Variants in GALNTL6 observed in about 807,000 individuals in gnomAD.
The protein encoded by GALNTL6 is polypeptide N-acetylgalactosaminyltransferase-like 6.
In GALNTL6, 46 loss-of-function variants were observed where a neutral mutation model predicts 73.7. The ratio of observed to expected loss-of-function variants is 0.62; its 90% CI spans 0.49 to 0.80. The LOEUF is 0.80. Ranked by LOEUF, GALNTL6 falls within the 30% of genes least tolerant of loss-of-function variation. GALNTL6 has a pLI of 0.00. For missense variants in GALNTL6, 604 were observed against 755.0 expected, an observed-to-expected ratio of 0.80 and a Z score of 2.34; for synonymous variants, 259 against 263.7, an observed-to-expected ratio of 0.98 and a Z score of 0.17.
At chr4:172,760,772 AC>A (rs1387967251) in intron 5 of GALNTL6, among the ~76,000 whole-genome samples, 2 of 151,588 alleles carry the variant, frequency 1.3e-5, no homozygotes, top group Non-Finnish European at 2.9e-5. Context: ...CCCACCGACT[AC>A]CCCCCACAAT....
chr4:172,326,183 G>C (rs751948989), intron 4 of GALNTL6, among the ~76,000 whole-genome samples: 1 of 151,796 alleles, frequency 6.6e-6, no homozygotes, highest in Non-Finnish European at 1.5e-5. Flanking sequence ...AGTTATCTAC[G>C]TATATATAGC....
intron 10 of GALNTL6, among the ~76,000 whole-genome samples, chr4:172,973,142 A>T (rs1294850714): frequency 6.6e-6 from 1 of 152,234 alleles, no homozygotes; most frequent in Non-Finnish European, 1.5e-5. Context: ...TGATTAAAGA[A>T]ATGGTCCTCA....
chr4:172,961,178 TG>T (rs543763862), intron 10 of GALNTL6, among the ~76,000 whole-genome samples: 24 of 44,604 alleles, frequency 5.4e-4, no homozygotes, highest in African/African-American at 2.2e-3. Flanking sequence ...AGAGAAGGGG[TG>T]GGGGGTGCTT....
At chr4:172,135,498 TAATTGAGAATTAGTAGAATTCTC>T (rs1317396787) in intron 2 of GALNTL6, among the ~76,000 whole-genome samples, 1 of 152,124 alleles carries the variant, frequency 6.6e-6, no homozygotes, top group Non-Finnish European at 1.5e-5. Context: ...TCTCCTCTAC[TAATTGAGAATTAGTAGAATTCTC>T]AATTGAGAAT....
intron 8 of GALNTL6, among the ~76,000 whole-genome samples, chr4:172,886,634 A>G (rs1241433828): frequency 6.6e-6 from 1 of 152,128 alleles, no homozygotes; most frequent in Non-Finnish European, 1.5e-5. Flanking sequence ...GTGGTGGCGC[A>G]TGCCTGTAAT....
intron 10 of GALNTL6, among the ~76,000 whole-genome samples, chr4:172,966,787 C>A (rs940827452): frequency 6.6e-6 from 1 of 152,210 alleles, no homozygotes; most frequent in African/African-American, 2.4e-5. Flanking sequence ...AAGATGAGAG[C>A]CAATATTCCT....
Position 172,818,610 on chromosome 4 carries a change from T to C in GALNTL6, c.923+4887T>C, listed in dbSNP as rs571434613. Among the ~76,000 whole-genome samples, 4 of 152,314 alleles carry C rather than the reference T, an allele frequency of 2.6e-5. No homozygotes were observed. The South Asian group carries it at 8.3e-4, about 32-fold the overall frequency. On this transcript the variant is annotated intron_variant, in intron 7 of 12. Transcript: ENST00000506823. The stretch of plus-strand genomic sequence containing the variant: ...AAATTCACAGGCTAAAATCATCCTT[T>C]TTTTTGGAGACAAAGTCTCACTCTG...
chr4:172,543,822 T>A (rs1735659967), intron 5 of GALNTL6, among the ~76,000 whole-genome samples: 1 of 152,190 alleles, frequency 6.6e-6, no homozygotes, highest in Non-Finnish European at 1.5e-5. Flanking sequence ...GATCTTCTAA[T>A]GAAGATGTTG....
intron 2 of GALNTL6, among the ~76,000 whole-genome samples, chr4:172,021,707 G>A (rs1741406521): frequency 6.6e-6 from 1 of 151,974 alleles, no homozygotes; most frequent in Non-Finnish European, 1.5e-5. Flanking sequence ...CAGAGCTATA[G>A]CAACCAAAAG....
chr4:172,010,019 T>C (rs931692684), intron 2 of GALNTL6, among the ~76,000 whole-genome samples: 10 of 152,120 alleles, frequency 6.6e-5, no homozygotes, highest in Admixed American at 6.6e-4. Context: ...AATACAGTTT[T>C]TCTTGTATTT....
intron 2 of GALNTL6, among the ~76,000 whole-genome samples, chr4:171,829,640 A>C (rs1482567614): frequency 6.6e-6 from 1 of 152,052 alleles, no homozygotes; most frequent in African/African-American, 2.4e-5. Flanking sequence ...AAACTTTCCT[A>C]ATCTCCCATG....
chr4:172,011,089 G>A (rs1740992376), intron 2 of GALNTL6, among the ~76,000 whole-genome samples: 1 of 152,048 alleles, frequency 6.6e-6, no homozygotes. Context: ...TATGAGAACT[G>A]TACTATTACT....
At chr4:172,022,142 A>C (rs1268019645) in intron 2 of GALNTL6, among the ~76,000 whole-genome samples, 1 of 152,074 alleles carries the variant, frequency 6.6e-6, no homozygotes, top group Non-Finnish European at 1.5e-5. Flanking sequence ...AATAAGGTGA[A>C]GAGACAACCT....
chr4:172,217,442 T>C (rs532967048), intron 2 of GALNTL6, among the ~76,000 whole-genome samples: 2 of 152,288 alleles, frequency 1.3e-5, no homozygotes, highest in Admixed American at 6.5e-5. Flanking sequence ...TAAAAAAATA[T>C]CAGAGCTAGT....
At chr4:172,265,196 A>G (rs550638978) in intron 3 of GALNTL6, among the ~76,000 whole-genome samples, 1 of 152,032 alleles carries the variant, frequency 6.6e-6, no homozygotes, top group Non-Finnish European at 1.5e-5. Context: ...TCAAGGCGCA[A>G]CCGTGAGTCT....
chr4:172,630,542 CTA>C (rs1253245506), intron 5 of GALNTL6, among the ~76,000 whole-genome samples: 4 of 151,972 alleles, frequency 2.6e-5, no homozygotes, highest in Non-Finnish European at 4.4e-5. Flanking sequence ...CTCAAGAGTT[CTA>C]TCTCTGAGCC....
chr4:172,638,815 A>G (rs924410427), intron 5 of GALNTL6, among the ~76,000 whole-genome samples: 1 of 152,126 alleles, frequency 6.6e-6, no homozygotes, highest in Non-Finnish European at 1.5e-5. Flanking sequence ...TTTAATTGTC[A>G]TCTTGCCTCT....
chr4:172,851,656 G>A (rs1743824620), intron 7 of GALNTL6, among the ~76,000 whole-genome samples: 1 of 152,122 alleles, frequency 6.6e-6, no homozygotes, highest in Non-Finnish European at 1.5e-5. Context: ...AGAATGCACA[G>A]AAGATAAAAG....
chr4:172,604,059 G>T (rs1323285544), intron 5 of GALNTL6, among the ~76,000 whole-genome samples: 1 of 152,158 alleles, frequency 6.6e-6, no homozygotes, highest in Non-Finnish European at 1.5e-5. Context: ...CAAAACTCTT[G>T]CCCTGCTGAG....
Sources: allele counts gnomAD v4.1 joint callset (sites outside exome capture counted in the v4.1 genomes callset), GRCh38; gene constraint gnomAD v4.1.1; transcripts MANE v1.5; gene names NCBI Gene and HGNC (gene_info 2026-07-23, HGNC 2026-07-21).